The following TMEM45B variants were observed in gnomAD, a reference collection of about 807,000 sequenced individuals.
The protein encoded by TMEM45B is transmembrane protein 45B.
Under a neutral mutation model 27.3 loss-of-function variants are expected in TMEM45B, and 29 were observed. The ratio of observed to expected loss-of-function variants is 1.06; its 90% CI spans 0.79 to 1.45. TMEM45B has a LOEUF of 1.45. Among genes scored for constraint, TMEM45B ranks in the 40% most tolerant of loss-of-function variants. The pLI is 0.00. For missense variants in TMEM45B, 348 were observed against 343.9 expected (o/e 1.01, Z -0.09); for synonymous variants, 143 against 134.7 (o/e 1.06, Z -0.43).
chr11:129,845,446 C>G (rs1055528285), intron 1 of TMEM45B, among the ~76,000 whole-genome samples: 2 of 151,672 alleles, frequency 1.3e-5, no homozygotes, highest in African/African-American at 4.9e-5. Context: ...AATTAAGTTA[C>G]TATTAAAATA....
chr11:129,837,585 C>CCTTTTTTTT (rs1947636610), intron 1 of TMEM45B, among the ~76,000 whole-genome samples: 1 of 80,294 alleles, frequency 1.2e-5, no homozygotes, highest in African/African-American at 4.3e-5. Flanking sequence ...CTGCACTGGG[C>CCTTTTTTTT]TTTTTTTTTT....
At chr11:129,844,630 T>A (rs980046500) in intron 1 of TMEM45B, among the ~76,000 whole-genome samples, 1 of 152,136 alleles carries the variant, frequency 6.6e-6, no homozygotes, top group East Asian at 1.9e-4. Flanking sequence ...AGGGCTGCAG[T>A]GAACTATGAT....
At chr11:129,843,391 A>G (rs905860489) in intron 1 of TMEM45B, among the ~76,000 whole-genome samples, 1 of 152,194 alleles carries the variant, frequency 6.6e-6, no homozygotes, top group Non-Finnish European at 1.5e-5. Flanking sequence ...GTGTTTTAAT[A>G]ATTGTTTACT....
intron 1 of TMEM45B, among the ~76,000 whole-genome samples, chr11:129,845,741 C>T (rs947062335): frequency 1.5e-4 from 23 of 152,112 alleles, no homozygotes; most frequent in African/African-American, 5.1e-4. Context: ...AGATTGTCAA[C>T]TATGCAAATT....
chr11:129,855,720 A>C lies in TMEM45B; in HGVS notation c.398A>C (p.Tyr133Ser). 1 of 1,614,018 alleles carries C rather than the reference A, an allele frequency of 6.2e-7. No homozygotes were observed. The highest frequency in any genetic ancestry group is 8.5e-7 in the Non-Finnish European group (1 of 1,179,962). The part of the protein sequence containing the change: ...VAVFMEGFLF[Y>S]YHVHNRPPLD... ...TGGTTTGTGGCAGGTTTCCTCTTCT[A>C]CTACCACGTCCACAACCGGCCTCCG... is the stretch of plus-strand genomic sequence containing the variant. Residue 133 changes from tyrosine (Y) to serine (S), a missense_variant, in exon 4 of 6, where the codon TAC becomes TCC. By Grantham distance (144) the Tyr-to-Ser change is moderately radical (BLOSUM62 -2). Transcript: ENST00000281441.
chr11:129,840,909 G>A (rs542474309), intron 1 of TMEM45B, among the ~76,000 whole-genome samples: 1 of 117,432 alleles, frequency 8.5e-6, no homozygotes, highest in East Asian at 2.9e-4. Context: ...AGGCCTTCCA[G>A]TTATGGCAGC....
Position 129,852,616 on chromosome 11 carries a change from T to A in TMEM45B, c.134T>A (p.Leu45His), listed in dbSNP as rs1947864202. The A allele has an allele frequency of 1.9e-6, 3 of 1,612,528 alleles. No individual in the cohort carries two copies. In the South Asian group the frequency reaches 3.3e-5, roughly 18 times the overall value. Residue 45 changes from leucine to histidine, a missense_variant, in exon 2 of 6, where the codon CTC (leucine) becomes CAC (histidine). Coordinates refer to ENST00000281441, the MANE Select transcript of TMEM45B (RefSeq NM_138788.5). ...AGCCCACTACATTACTATCAGCGTCTCGAGATCGTCGAAGCCGCAATTAGG... is the reference window on the plus strand; with the variant it reads ...AGCCCACTACATTACTATCAGCGTCACGAGATCGTCGAAGCCGCAATTAGG... Reference protein sequence around the residue: ...KNSPLHYYQRLEIVEAAIRTL... With the variant: ...KNSPLHYYQRHEIVEAAIRTL...
intron 1 of TMEM45B, among the ~76,000 whole-genome samples, chr11:129,843,125 G>A (rs1190527465): frequency 6.6e-6 from 1 of 152,222 alleles, no homozygotes; most frequent in Non-Finnish European, 1.5e-5. Context: ...ATTTTTGGTA[G>A]AGATGGAGTT....
intron 1 of TMEM45B, among the ~76,000 whole-genome samples, chr11:129,840,002 CA>C (rs1159384632): frequency 1.3e-5 from 2 of 152,156 alleles, no homozygotes; most frequent in Non-Finnish European, 2.9e-5. Flanking sequence ...TAAACCACAG[CA>C]GGGGCTTAGC....
In TMEM45B at chr11:129,857,363, G is replaced by T. The variant is rs1352668679; in HGVS notation, c.621G>T (p.Lys207Asn). Residue 207 changes from lysine to asparagine, a missense_variant, in exon 5 of 6, where the codon AAG (lysine) becomes AAT (asparagine). Lys to Asn is a moderately conservative substitution (Grantham distance 94). Coordinates refer to ENST00000281441, the MANE Select transcript of TMEM45B (RefSeq NM_138788.5). ...TTGGAACACCCGAATGGGACCAGAA[G>T]GATGATGCCAACCTCATGTTCATCA... ...PPFGTPEWDQ[K>N]DDANLMFITM... 2 of 1,614,214 alleles carry T rather than the reference G, an allele frequency of 1.2e-6. No homozygotes were observed. Among genetic ancestry groups the T allele is most frequent in the East Asian group, 2.2e-5 (1 of 44,876 alleles).
At chr11:129,823,484 G>A (rs973549171) in intron 1 of TMEM45B, among the ~76,000 whole-genome samples, 2 of 152,112 alleles carry the variant, frequency 1.3e-5, no homozygotes, top group African/African-American at 4.8e-5. Context: ...TGTCACCCCT[G>A]CAACTCCATC....
intron 2 of TMEM45B, 120 bp from the exon 3 acceptor site, chr11:129,854,490 C>A: frequency 1.1e-6 from 1 of 951,118 alleles, no homozygotes; most frequent in Non-Finnish European, 1.6e-6. Context: ...CTCTGCTGAC[C>A]CGCGGGCCAC....
At chr11:129,834,944 C>A (rs890936586) in intron 1 of TMEM45B, among the ~76,000 whole-genome samples, 3 of 151,946 alleles carry the variant, frequency 2.0e-5, no homozygotes, top group Non-Finnish European at 4.4e-5. Flanking sequence ...AAATGAGGAA[C>A]ATGATATTAG....
Position 129,854,621 on chromosome 11 carries a change from G to A in TMEM45B, c.190G>A (p.Glu64Lys), listed in dbSNP as rs1294161037. The change falls in exon 3 of 6, where the codon GAG becomes AAG. Residue 64 changes from glutamate (E) to lysine (K), a missense_variant. Coordinates refer to ENST00000281441, the MANE Select transcript of TMEM45B (RefSeq NM_138788.5). ...TLFSVTGILA[E>K]QFVPDGPHLH... ...TCATTTCCCTGCAGGGATCCTGGCAGAGCAGTTTGTTCCGGATGGGCCCCA... is the reference window on the plus strand; with the variant it reads ...TCATTTCCCTGCAGGGATCCTGGCAAAGCAGTTTGTTCCGGATGGGCCCCA... 3.7e-5 allele frequency: 60 copies of A among 1,614,084 alleles called. No homozygotes were observed. Among genetic ancestry groups the A allele is most frequent in the Non-Finnish European group, 4.8e-5 (57 of 1,180,026 alleles).
intron 1 of TMEM45B, among the ~76,000 whole-genome samples, chr11:129,816,658 C>T (rs114112131): frequency 0.1 from 15,696 of 151,200 alleles, 850 homozygotes; most frequent in Admixed American, 0.12. Flanking sequence ...GGAAACGTAG[C>T]ACTTTAAGAA....
At chr11:129,833,914 C>G (rs1947585319) in intron 1 of TMEM45B, among the ~76,000 whole-genome samples, 4 of 152,220 alleles carry the variant, frequency 2.6e-5, no homozygotes, top group Admixed American at 6.5e-5. Context: ...TCTCAGACTT[C>G]TAGCTTCCAG....
chr11:129,844,426 C>A (rs1947732474), intron 1 of TMEM45B, among the ~76,000 whole-genome samples: 1 of 152,160 alleles, frequency 6.6e-6, no homozygotes, highest in Admixed American at 6.5e-5. Flanking sequence ...TGGCTTATGT[C>A]TGTAATCGCA....
In TMEM45B at chr11:129,857,299, C is replaced by G. The variant is rs111712583; in HGVS notation, c.571-14C>G. Reference sequence around the variant, plus strand: ...GACCAACCACAAGACCAACTTCTCTCTGTAATCCCCTAGATTGGGTTTGTG... The same window carrying G: ...GACCAACCACAAGACCAACTTCTCTGTGTAATCCCCTAGATTGGGTTTGTG... On this transcript the variant is annotated splice_polypyrimidine_tract_variant and intron_variant, in intron 4 of 5. Transcript: ENST00000281441. The G allele has an allele frequency of 6.2e-4, 999 of 1,613,470 alleles. 6 individuals are homozygous for G. The African/African-American group carries it at 0.011, about 18-fold the overall frequency.
chr11:129,824,667 G>A (rs1349663258), intron 1 of TMEM45B, among the ~76,000 whole-genome samples: 1 of 152,236 alleles, frequency 6.6e-6, no homozygotes, highest in Admixed American at 6.5e-5. Context: ...TATCAAGCTT[G>A]TGCTAGTTTT....
Sources: allele counts gnomAD v4.1 joint callset (sites outside exome capture counted in the v4.1 genomes callset), GRCh38; gene constraint gnomAD v4.1.1; transcripts MANE v1.5; gene names NCBI Gene and HGNC (gene_info 2026-07-23, HGNC 2026-07-21).